The following GAS2 variants were observed in gnomAD, a reference collection of about 807,000 sequenced individuals.
GAS2 encodes the protein growth arrest-specific protein 2.
In GAS2, 20 loss-of-function variants were observed where a neutral mutation model predicts 37.5. The ratio of observed to expected loss-of-function variants is 0.53; its 90% CI spans 0.37 to 0.77. GAS2 has a LOEUF of 0.77. GAS2 is among the 30% of genes least tolerant of loss of function. The probability of loss-of-function intolerance (pLI) is 0.00; values close to 1 mark genes in which losing one functional copy is unlikely to be tolerated. For missense variants in GAS2, 336 were observed against 373.4 expected (o/e 0.90, Z 0.82); for synonymous variants, 144 against 132.2 (o/e 1.09, Z -0.61).
intron 6 of GAS2, among the ~76,000 whole-genome samples, chr11:22,751,471 A>G (rs1240086705): frequency 6.6e-6 from 1 of 151,866 alleles, no homozygotes; most frequent in Non-Finnish European, 1.5e-5. Flanking sequence ...CTTTGTACTC[A>G]AAGACAAAGA....
At chr11:22,694,691 C>A (rs1309414261) in intron 3 of GAS2, among the ~76,000 whole-genome samples, 1 of 152,138 alleles carries the variant, frequency 6.6e-6, no homozygotes, top group Non-Finnish European at 1.5e-5. Context: ...GCAAATCTAG[C>A]AAACTTTAAT....
intron 1 of GAS2, among the ~76,000 whole-genome samples, chr11:22,642,818 A>G (rs1210362573): frequency 1.3e-5 from 2 of 152,180 alleles, no homozygotes; most frequent in Non-Finnish European, 2.9e-5. Context: ...ATAATGTGGA[A>G]CCTTATCTAT....
intron 1 of GAS2, among the ~76,000 whole-genome samples, chr11:22,628,999 ATGTG>A (rs58455319): frequency 3.3e-5 from 5 of 151,406 alleles, no homozygotes; most frequent in Non-Finnish European, 4.4e-5. Context: ...ATTCCATGGT[ATGTG>A]TGTGTGTGTG....
rs112763541 is a variant in GAS2, at chr11:22,643,458, GAA to G, written c.-21+17660_-21+17661del. ...TTGCCACTGCTTGGACATCTGTTTT[GAA>G]AAAAAAAAAAAAAACGATATAGAAG... On this transcript the variant is annotated intron_variant, in intron 1 of 5. Coordinates refer to the GAS2 transcript ENST00000528582. Among the ~76,000 whole-genome samples the G allele has an allele frequency of 5.9e-3, 675 of 113,956 alleles. 7 individuals carry two copies. The highest frequency in any genetic ancestry group is 0.018 in the African/African-American group (592 of 33,028). 74.8% of individuals were successfully genotyped at this position (113,956 alleles called of 152,430 possible). A position where few individuals can be genotyped will look rare whatever the true frequency, so the allele number is the denominator to read the frequency against.
intron 3 of GAS2, among the ~76,000 whole-genome samples, chr11:22,699,031 C>G (rs540281528): frequency 1.6e-4 from 25 of 152,080 alleles, no homozygotes; most frequent in Non-Finnish European, 3.1e-4. Context: ...AAAATAAGCT[C>G]AAGCCCCCAC....
intron 1 of GAS2, among the ~76,000 whole-genome samples, chr11:22,651,950 T>C (rs909402337): frequency 1.3e-5 from 2 of 152,210 alleles, no homozygotes; most frequent in Admixed American, 6.5e-5. Context: ...AGCTTTGTTC[T>C]GTTGCTGGTG....
chr11:22,657,631 A>C (rs904578477), intron 1 of GAS2, among the ~76,000 whole-genome samples: 1 of 152,128 alleles, frequency 6.6e-6, no homozygotes, highest in African/African-American at 2.4e-5. Flanking sequence ...AAAACAGAGA[A>C]AGTAATAGGG....
intron 2 of GAS2, among the ~76,000 whole-genome samples, chr11:22,682,254 A>G (rs1387052005): frequency 6.6e-6 from 1 of 151,654 alleles, no homozygotes; most frequent in Admixed American, 6.6e-5. Flanking sequence ...AGTAAAAATC[A>G]TACTTTTTGG....
chr11:22,811,677 GT>G (rs1298378771), intron 7 of GAS2, 120 bp from the exon 8 acceptor site: 2 of 913,770 alleles, frequency 2.2e-6, no homozygotes, highest in African/African-American at 3.3e-5. Flanking sequence ...TTTGCACCAA[GT>G]AGAAAAACAA....
At chr11:22,764,036 T>C (rs1051747535) in intron 7 of GAS2, among the ~76,000 whole-genome samples, 3 of 152,364 alleles carry the variant, frequency 2.0e-5, no homozygotes, top group East Asian at 3.9e-4. Flanking sequence ...CAAAGGACTT[T>C]GCAGATATTG....
intron 1 of GAS2, among the ~76,000 whole-genome samples, chr11:22,660,100 T>C (rs1380933542): frequency 6.6e-6 from 1 of 152,172 alleles, no homozygotes; most frequent in African/African-American, 2.4e-5. Flanking sequence ...AGGTAAGCTT[T>C]TTAAAAACCA....
chr11:22,638,062 A>T (rs1226422428), intron 1 of GAS2, among the ~76,000 whole-genome samples: 1 of 152,026 alleles, frequency 6.6e-6, no homozygotes, highest in Non-Finnish European at 1.5e-5. Context: ...GCAAATACTC[A>T]ATGAACATTG....
intron 5 of GAS2, among the ~76,000 whole-genome samples, chr11:22,745,519 T>C (rs1238204189): frequency 6.6e-6 from 1 of 151,870 alleles, no homozygotes; most frequent in East Asian, 1.9e-4. Context: ...CTAGAAAAAA[T>C]CCTAGGAAAT....
At chr11:22,680,274 G>A (rs1305032973) in intron 2 of GAS2, among the ~76,000 whole-genome samples, 1 of 152,134 alleles carries the variant, frequency 6.6e-6, no homozygotes, top group Non-Finnish European at 1.5e-5. Context: ...TTTCAGAGCA[G>A]TTATCCTAAT....
At chr11:22,630,545 C>T (rs1395884002) in intron 1 of GAS2, among the ~76,000 whole-genome samples, 1 of 152,174 alleles carries the variant, frequency 6.6e-6, no homozygotes, top group Non-Finnish European at 1.5e-5. Flanking sequence ...TTTTTGCAGT[C>T]TACTCATCTG....
intron 2 of GAS2, among the ~76,000 whole-genome samples, chr11:22,675,683 TATA>T (rs146728590): frequency 5.3e-5 from 8 of 151,434 alleles, no homozygotes; most frequent in Middle Eastern, 6.9e-3. Context: ...AGGATCATCA[TATA>T]TAGCAGCACT....
intron 1 of GAS2, among the ~76,000 whole-genome samples, chr11:22,645,210 T>A (rs1386776485): frequency 6.6e-6 from 1 of 151,948 alleles, no homozygotes; most frequent in Non-Finnish European, 1.5e-5. Flanking sequence ...AAAGGCAAGA[T>A]TAAAAATATG....
chr11:22,660,222 A>G (rs763355307), intron 1 of GAS2, among the ~76,000 whole-genome samples: 1 of 152,206 alleles, frequency 6.6e-6, no homozygotes, highest in African/African-American at 2.4e-5. Flanking sequence ...CCAACAAACC[A>G]TGAAGCCACT....
intron 1 of GAS2, among the ~76,000 whole-genome samples, chr11:22,640,390 G>C (rs1226540770): frequency 6.6e-6 from 1 of 152,118 alleles, no homozygotes; most frequent in Non-Finnish European, 1.5e-5. Flanking sequence ...TCATAGTAAT[G>C]TTTAACATTT....
Sources: gnomAD v4.1 joint callset for allele counts (sites outside exome capture counted in the v4.1 genomes callset) on GRCh38, gnomAD v4.1.1 for gene constraint, MANE v1.5 for transcripts, NCBI Gene and HGNC (gene_info 2026-07-23, HGNC 2026-07-21) for gene names.